The following ZNF385D variants were observed in gnomAD, a reference collection of about 807,000 sequenced individuals.
ZNF385D encodes zinc finger protein 385D, also known as zinc finger protein 659.
ZNF385D carries 15 observed loss-of-function variants against 35.8 expected under a neutral mutation model. That is an observed-to-expected ratio of 0.42 (90% confidence interval 0.28 to 0.64). The LOEUF is 0.64. Ranked by LOEUF, ZNF385D falls within the 30% of genes least tolerant of loss-of-function variation. The pLI, the probability that ZNF385D is intolerant of heterozygous loss-of-function variation, is 0.23. For synonymous variants in ZNF385D, 212 were observed against 186.8 expected, an observed-to-expected ratio of 1.13 and a Z score of -1.10; for missense variants, 474 against 494.6, an observed-to-expected ratio of 0.96 and a Z score of 0.39.
At chr3:21,958,651 T>C (rs941266003) in intron 3 of ZNF385D, among the ~76,000 whole-genome samples, 1 of 152,140 alleles carries the variant, frequency 6.6e-6, no homozygotes, top group African/African-American at 2.4e-5. Context: ...CTAGATTCTA[T>C]CGCCAAATTC....
intron 3 of ZNF385D, among the ~76,000 whole-genome samples, chr3:21,995,756 T>A (rs967957674): frequency 6.6e-6 from 1 of 151,838 alleles, no homozygotes. Flanking sequence ...ATTCTCCAGA[T>A]TGCCAGAAGG....
intron 2 of ZNF385D, among the ~76,000 whole-genome samples, chr3:22,207,412 T>C (rs904446293): frequency 6.6e-6 from 1 of 151,878 alleles, no homozygotes; most frequent in Non-Finnish European, 1.5e-5. Context: ...ACAAAGCCCC[T>C]ATCTCCTGCC....
intron 3 of ZNF385D, among the ~76,000 whole-genome samples, chr3:21,760,806 C>A (rs2070573572): frequency 6.6e-6 from 1 of 152,094 alleles, no homozygotes; most frequent in Non-Finnish European, 1.5e-5. Flanking sequence ...AATGATAATT[C>A]AATGGTAGTA....
intron 3 of ZNF385D, among the ~76,000 whole-genome samples, chr3:22,143,379 C>T (rs112585534): frequency 6.6e-6 from 1 of 152,180 alleles, no homozygotes; most frequent in African/African-American, 2.4e-5. Flanking sequence ...CCACCAAAAT[C>T]GGGCATGTGT....
chr3:21,841,185 G>T (rs904557362), intron 3 of ZNF385D, among the ~76,000 whole-genome samples: 1 of 151,934 alleles, frequency 6.6e-6, no homozygotes, highest in African/African-American at 2.4e-5. Flanking sequence ...TGCATATCGT[G>T]GGCATCCCTA....
intron 1 of ZNF385D, among the ~76,000 whole-genome samples, chr3:21,684,968 T>C (rs2125325711): frequency 6.6e-6 from 1 of 152,330 alleles, no homozygotes; most frequent in Non-Finnish European, 1.5e-5. Context: ...TTCTAATTTT[T>C]AAGCTAATGC....
At chr3:22,323,240 C>A (rs914445102) in intron 2 of ZNF385D, among the ~76,000 whole-genome samples, 2 of 152,160 alleles carry the variant, frequency 1.3e-5, no homozygotes, top group African/African-American at 2.4e-5. Flanking sequence ...GGATCAAGTT[C>A]TTTCCAGGAT....
intron 2 of ZNF385D, among the ~76,000 whole-genome samples, chr3:22,348,922 T>C (rs1339858525): frequency 1.3e-5 from 2 of 152,188 alleles, no homozygotes; most frequent in East Asian, 3.8e-4. Context: ...TAGACAAAGC[T>C]AGCCATTAAA....
chr3:22,233,855 G>T (rs1046992674), intron 2 of ZNF385D, among the ~76,000 whole-genome samples: 3 of 151,830 alleles, frequency 2.0e-5, no homozygotes, highest in Non-Finnish European at 4.4e-5. Flanking sequence ...CAATTTAATG[G>T]TTGCATTAAA....
At chr3:21,506,836 G>A (rs545402337) in intron 4 of ZNF385D, among the ~76,000 whole-genome samples, 6 of 152,072 alleles carry the variant, frequency 3.9e-5, no homozygotes, top group African/African-American at 1.4e-4. Flanking sequence ...AACTAAAATT[G>A]TTCTTTAACG....
intron 3 of ZNF385D, among the ~76,000 whole-genome samples, chr3:22,065,351 C>T (rs1169788287): frequency 6.6e-6 from 1 of 152,142 alleles, no homozygotes; most frequent in Non-Finnish European, 1.5e-5. Flanking sequence ...CAAAAATAGT[C>T]CAATCTATGC....
intron 2 of ZNF385D, among the ~76,000 whole-genome samples, chr3:22,268,049 C>A (rs1157376152): frequency 6.6e-6 from 1 of 151,890 alleles, no homozygotes; most frequent in Non-Finnish European, 1.5e-5. Flanking sequence ...CTACAAGAGA[C>A]CAATTAGTGT....
intron 2 of ZNF385D, among the ~76,000 whole-genome samples, chr3:22,312,029 C>T (rs531611191): frequency 6.6e-6 from 1 of 152,100 alleles, no homozygotes; most frequent in Non-Finnish European, 1.5e-5. Context: ...TCCGAATCGA[C>T]CACCACTTTG....
upstream of ZNF385D, chr3:21,751,540 C>G (rs1289421656): frequency 1.4e-6 from 1 of 734,186 alleles, no homozygotes; most frequent in Non-Finnish European, 1.7e-6. Flanking sequence ...AAAATTTAAC[C>G]TCCTCTACCA....
chr3:22,260,702 A>T (rs1376368038), intron 2 of ZNF385D, among the ~76,000 whole-genome samples: 1 of 151,888 alleles, frequency 6.6e-6, no homozygotes, highest in African/African-American at 2.4e-5. Context: ...TTTACCTAAC[A>T]TAAAAAATAC....
intron 3 of ZNF385D, among the ~76,000 whole-genome samples, chr3:21,954,583 T>G (rs1056733738): frequency 8.5e-5 from 13 of 152,088 alleles, no homozygotes; most frequent in African/African-American, 3.1e-4. Context: ...GTTAATTAGT[T>G]AGGTGTAAAC....
intron 1 of ZNF385D, among the ~76,000 whole-genome samples, chr3:21,677,658 G>C (rs893761302): frequency 2.4e-4 from 37 of 151,828 alleles, no homozygotes; most frequent in African/African-American, 8.9e-4. Flanking sequence ...TAGTGTGTGG[G>C]GGATCATATA....
intron 3 of ZNF385D, among the ~76,000 whole-genome samples, chr3:21,821,061 A>AT: frequency 6.6e-6 from 1 of 152,184 alleles, no homozygotes; most frequent in Admixed American, 6.5e-5. Context: ...AGGTAAAAAT[A>AT]TTTTTTCAGG....
At chr3:21,841,306 T>G (rs1246403741) in intron 3 of ZNF385D, among the ~76,000 whole-genome samples, 2 of 152,070 alleles carry the variant, frequency 1.3e-5, no homozygotes, top group African/African-American at 4.8e-5. Context: ...GTGTTCAGAT[T>G]ACTTCCAAGG....
Sources: gnomAD v4.1 joint callset for allele counts (sites outside exome capture counted in the v4.1 genomes callset) on GRCh38, gnomAD v4.1.1 for gene constraint, MANE v1.5 for transcripts, NCBI Gene and HGNC (gene_info 2026-07-23, HGNC 2026-07-21) for gene names.